GGTA1: variants seen among roughly 807,000 people sequenced by gnomAD.
The protein encoded by GGTA1 is inactive N-acetyllactosaminide alpha-1,3-galactosyltransferase.
Under a neutral mutation model 2.6 loss-of-function variants are expected in GGTA1, and 5 were observed. The observed-to-expected ratio is 1.92, with a 90% CI of 1.00 to 4.04. The LOEUF is 4.04. Ranked by LOEUF, GGTA1 falls within the 30% of genes most tolerant of loss-of-function variation. The pLI, the probability that GGTA1 is intolerant of heterozygous loss-of-function variation, is 0.00. For synonymous variants in GGTA1, 17 were observed against 5.0 expected (o/e 3.38, Z -3.19); for missense variants, 50 against 16.7 (o/e 2.99, Z -3.47).
At chr9:121,484,444 C>A (rs931523446) in intron 1 of GGTA1, among the ~76,000 whole-genome samples, 3 of 151,974 alleles carry the variant, frequency 2.0e-5, no homozygotes, top group Non-Finnish European at 4.4e-5. Context: ...CTACCATGCC[C>A]AGCTAATTTT....
exon 8 of GGTA1, chr9:121,447,032 A>T (rs1247206916): frequency 6.6e-6 from 1 of 152,524 alleles, no homozygotes; most frequent in Non-Finnish European, 1.5e-5. Flanking sequence ...TAGAGGGTTT[A>T]TTGAGAAGGA....
At chr9:121,451,439 C>A (rs2064877884), downstream of GGTA1, among the ~76,000 whole-genome samples, 1 of 152,174 alleles carries the variant, frequency 6.6e-6, no homozygotes, top group Non-Finnish European at 1.5e-5. Flanking sequence ...CCCACCTCGG[C>A]CTCCCAAAGT....
intron 2 of GGTA1, among the ~76,000 whole-genome samples, chr9:121,467,190 C>T (rs2065011229): frequency 6.6e-6 from 1 of 152,124 alleles, no homozygotes; most frequent in Non-Finnish European, 1.5e-5. Context: ...AGTCAGAAGC[C>T]TCTCCAGCTG....
intron 1 of GGTA1, among the ~76,000 whole-genome samples, chr9:121,498,919 AG>A (rs1159092431): frequency 1.3e-5 from 2 of 150,588 alleles, no homozygotes; most frequent in Admixed American, 1.3e-4. Context: ...ACTTTCTTCA[AG>A]AGTTTGTGCA....
At chr9:121,488,270 CT>C (rs1243212664) in intron 1 of GGTA1, among the ~76,000 whole-genome samples, 1 of 152,144 alleles carries the variant, frequency 6.6e-6, no homozygotes, top group Non-Finnish European at 1.5e-5. Context: ...CCGCCTTAGC[CT>C]GTTAGGATGT....
downstream of GGTA1, among the ~76,000 whole-genome samples, chr9:121,453,135 C>T (rs1589325725): frequency 6.6e-6 from 1 of 152,208 alleles, no homozygotes; most frequent in East Asian, 1.9e-4. Context: ...CAAAAAGGGC[C>T]CCAGATTAAA....
chr9:121,460,612 C>T (rs2064952401), intron 4 of GGTA1, among the ~76,000 whole-genome samples: 1 of 152,138 alleles, frequency 6.6e-6, no homozygotes, highest in South Asian at 2.1e-4. Flanking sequence ...ATTTGGGAGG[C>T]CAAGGTGGGC....
At chr9:121,448,854 C>T (rs2064864529) in intron 7 of GGTA1, among the ~76,000 whole-genome samples, 1 of 152,180 alleles carries the variant, frequency 6.6e-6, no homozygotes, top group Admixed American at 6.5e-5. Context: ...CATTAGGGTT[C>T]ACTCTTGGTG....
intron 1 of GGTA1, among the ~76,000 whole-genome samples, chr9:121,481,125 C>G (rs1463616390): frequency 7.2e-6 from 1 of 139,668 alleles, no homozygotes; most frequent in Non-Finnish European, 1.5e-5. Flanking sequence ...TGCACTCCAG[C>G]CTGGGCGACA....
intron 2 of GGTA1, among the ~76,000 whole-genome samples, chr9:121,464,324 G>GT (rs10681377): frequency 0.35 from 39,433 of 111,570 alleles, 8,719 homozygotes; most frequent in Middle Eastern, 0.47. Context: ...CCTCCTTGAG[G>GT]TTTTTTTTTT....
At chr9:121,473,687 A>G (rs1481935836) in intron 1 of GGTA1, among the ~76,000 whole-genome samples, 3 of 152,122 alleles carry the variant, frequency 2.0e-5, no homozygotes, top group Non-Finnish European at 4.4e-5. Flanking sequence ...GCACTTTGGG[A>G]GGCCAAGATG....
chr9:121,475,592 C>A (rs937931870), intron 1 of GGTA1, among the ~76,000 whole-genome samples: 3 of 152,130 alleles, frequency 2.0e-5, no homozygotes, highest in African/African-American at 7.2e-5. Flanking sequence ...TCTGCTCTGC[C>A]ATGGATTCAT....
intron 1 of GGTA1, among the ~76,000 whole-genome samples, chr9:121,483,796 T>C (rs1239280994): frequency 6.6e-6 from 1 of 152,160 alleles, no homozygotes; most frequent in Non-Finnish European, 1.5e-5. Flanking sequence ...CTGGGAAACT[T>C]GAAGGTCACG....
intron 7 of GGTA1, among the ~76,000 whole-genome samples, chr9:121,450,005 A>C (rs1403916221): frequency 6.6e-6 from 1 of 152,170 alleles, no homozygotes; most frequent in African/African-American, 2.4e-5. Flanking sequence ...AACCCTAAAC[A>C]CACGTGGACT....
At position 121,455,113 on chromosome 9, in the gene GGTA1, T is replaced by C. The variant is rs1393456342; in HGVS notation, c.*724A>G. ...CAGACTGAGAAATGATGAGCCTTTTTTGTTGTTGTTTTTAGTAGCTTACAT... is the reference window on the plus strand; with the variant it reads ...CAGACTGAGAAATGATGAGCCTTTTCTGTTGTTGTTTTTAGTAGCTTACAT... On this transcript the variant is annotated 3_prime_UTR_variant, in exon 6 of 6. Transcript: ENST00000481799. 1.3e-5 allele frequency: 2 copies of C among 152,252 alleles called. No homozygotes were observed. Among genetic ancestry groups the C allele is most frequent in the Non-Finnish European group, 2.9e-5 (2 of 68,040 alleles). 9.4% of individuals were successfully genotyped at this position (152,252 alleles called of 1,614,324 possible).
intron 1 of GGTA1, chr9:121,479,107 C>G (rs1233991733): frequency 2.2e-6 from 1 of 456,518 alleles, no homozygotes; most frequent in Non-Finnish European, 4.4e-6. Flanking sequence ...AGGTCCACTG[C>G]TGGAGAGACA....
intron 1 of GGTA1, among the ~76,000 whole-genome samples, chr9:121,471,865 G>A (rs1276790265): frequency 6.6e-6 from 1 of 152,200 alleles, no homozygotes; most frequent in Non-Finnish European, 1.5e-5. Flanking sequence ...CGAAGCACCA[G>A]CATTGAGTGC....
At chr9:121,483,177 G>A (rs1027346362) in intron 1 of GGTA1, among the ~76,000 whole-genome samples, 1 of 152,126 alleles carries the variant, frequency 6.6e-6, no homozygotes, top group Non-Finnish European at 1.5e-5. Context: ...CCTGTGAAGT[G>A]GTAGGACAGG....
chr9:121,490,168 G>C (rs1363936495), intron 1 of GGTA1, among the ~76,000 whole-genome samples: 1 of 152,132 alleles, frequency 6.6e-6, no homozygotes, highest in South Asian at 2.1e-4. Context: ...CAGCTGGGTG[G>C]AATTACTAGT....
Sources: gnomAD v4.1 joint callset for allele counts (sites outside exome capture counted in the v4.1 genomes callset) on GRCh38, gnomAD v4.1.1 for gene constraint, MANE v1.5 for transcripts, NCBI Gene and HGNC (gene_info 2026-07-23, HGNC 2026-07-21) for gene names.